The following HLA-DOB variants were observed in gnomAD, a reference collection of about 807,000 sequenced individuals.
HLA-DOB encodes major histocompatibility complex, class II, DO beta, also known as HLA class II histocompatibility antigen, DO beta chain.
Under a neutral mutation model 27.7 loss-of-function variants are expected in HLA-DOB, and 25 were observed. The observed-to-expected ratio is 0.90, with a 90% CI of 0.66 to 1.26. The LOEUF (loss-of-function observed/expected upper bound fraction) is 1.26, where lower values mean the gene tolerates loss of function less well. Ranked by LOEUF, HLA-DOB falls within the 50% of genes most tolerant of loss-of-function variation. The pLI, the probability that HLA-DOB is intolerant of heterozygous loss-of-function variation, is 0.00. For missense variants in HLA-DOB, 306 were observed against 324.9 expected, an observed-to-expected ratio of 0.94 and a Z score of 0.45; for synonymous variants, 137 against 125.6, an observed-to-expected ratio of 1.09 and a Z score of -0.61.
At chr6:32,813,363 C>A (rs1028362020) in intron 5 of HLA-DOB, 77 bp downstream of exon 5, 1 of 1,582,194 alleles carries the variant, frequency 6.3e-7, no homozygotes, top group Admixed American at 1.7e-5. Flanking sequence ...CTCCTCCCTA[C>A]CCCCATGTCA....
intron 5 of HLA-DOB, 28 bp downstream of exon 5, chr6:32,813,412 C>T: frequency 6.2e-7 from 1 of 1,612,160 alleles, no homozygotes; most frequent in Non-Finnish European, 8.5e-7. Context: ...TGATCTGCCA[C>T]TCAAAGACAA....
intron 1 of HLA-DOB, among the ~76,000 whole-genome samples, chr6:32,816,407 T>C (rs1768021569): frequency 6.6e-6 from 1 of 152,206 alleles, no homozygotes; most frequent in Non-Finnish European, 1.5e-5. Context: ...AGTGGCTTAA[T>C]AAATGACAGA....
chr6:32,816,340 T>C (rs1367206194), intron 1 of HLA-DOB, among the ~76,000 whole-genome samples: 1 of 152,234 alleles, frequency 6.6e-6, no homozygotes, highest in Non-Finnish European at 1.5e-5. Context: ...GGACAATGTA[T>C]TCTATTCAAC....
In HLA-DOB at chr6:32,813,844, C is replaced by A. The variant is rs745752752; in HGVS notation, c.644-11G>T. On this transcript the variant is annotated splice_polypyrimidine_tract_variant and intron_variant, in intron 3 of 5. Coordinates refer to ENST00000438763, the MANE Select transcript of HLA-DOB (RefSeq NM_002120.4). ...ATTCAGACTGAGCTCCTATGGGAAA[C>A]AGGTCTTTAAATTAGTAAAAATATC... 75 of 1,491,030 alleles carry A rather than the reference C, an allele frequency of 5.0e-5. No homozygotes were observed. Among genetic ancestry groups the A allele is most frequent in the Admixed American group, 2.0e-5 (1 of 50,918 alleles). 92.4% of individuals were successfully genotyped at this position (1,491,030 alleles called of 1,614,324 possible). A position where few individuals can be genotyped will look rare whatever the true frequency, so the allele number is the denominator to read the frequency against.
intron 3 of HLA-DOB, 128 bp downstream of exon 3, chr6:32,814,192 A>T: frequency 1.1e-6 from 1 of 905,342 alleles, no homozygotes; most frequent in Non-Finnish European, 1.7e-6. Flanking sequence ...GGTTTCTGTG[A>T]CTGTCCCAGA....
Position 32,812,942 on chromosome 6 carries a change from T to C in HLA-DOB, c.*274A>G. On this transcript the variant is annotated 3_prime_UTR_variant, in exon 6 of 6. Transcript: ENST00000438763. ...GCTGGACCACAGAAAAGTAAATGATTTGGGGCTGGAAGGAGTAAGGTCTCA... is the reference window on the plus strand; with the variant it reads ...GCTGGACCACAGAAAAGTAAATGATCTGGGGCTGGAAGGAGTAAGGTCTCA... 1.8e-6 allele frequency: 1 copy of C among 541,002 alleles called. No homozygotes were observed. The highest frequency in any genetic ancestry group is 3.3e-6 in the Non-Finnish European group (1 of 303,432). 33.5% of individuals were successfully genotyped at this position (541,002 alleles called of 1,614,324 possible). A position where few individuals can be genotyped will look rare whatever the true frequency, so the allele number is the denominator to read the frequency against.
chr6:32,814,718 A>G (rs943882894), intron 2 of HLA-DOB, 117 bp from the exon 3 acceptor site: 3 of 950,330 alleles, frequency 3.2e-6, no homozygotes, highest in Admixed American at 2.3e-5. Flanking sequence ...AGTGAACACA[A>G]AGTATAGGCA....
chr6:32,816,979 T>A lies in HLA-DOB; in HGVS notation c.-28A>T. 5 of 1,480,888 alleles carry A rather than the reference T, an allele frequency of 3.4e-6. No individual in the cohort carries two copies. Among genetic ancestry groups the A allele is most frequent in the Non-Finnish European group, 4.7e-6 (5 of 1,060,186 alleles). 91.7% of individuals were successfully genotyped at this position (1,480,888 alleles called of 1,614,324 possible). A position where few individuals can be genotyped will look rare whatever the true frequency, so the allele number is the denominator to read the frequency against. On this transcript the variant is annotated 5_prime_UTR_variant, in exon 1 of 6. Transcript: ENST00000438763. ...TGGAGAAAGGAAAAAAATGAGATAG[T>A]AAAATCGTCAGCCTCTTCAGAATGA...
intron 1 of HLA-DOB, among the ~76,000 whole-genome samples, chr6:32,815,947 A>G (rs756151478): frequency 2.0e-5 from 3 of 152,214 alleles, no homozygotes; most frequent in Non-Finnish European, 2.9e-5. Flanking sequence ...CTAATTTCAG[A>G]TGAAGTTCCA....
chr6:32,813,231 G>T lies in HLA-DOB; in HGVS notation c.807C>A (p.Leu269=). 6.2e-7 allele frequency: 1 copy of T among 1,613,034 alleles called. No individual in the cohort carries two copies. The highest frequency in any genetic ancestry group is 8.5e-7 in the Non-Finnish European group (1 of 1,179,986). ...AGTGAGGACCTTAGCATGACTGAGG[G>T]AGCAGAACAGCTCTTGAGACCTGGA... is the stretch of plus-strand genomic sequence containing the variant. ...SGNEVSRAVL[L]PQSC is the part of the protein sequence containing the mutation. Residue 269 remains leucine (L), a synonymous_variant, in exon 6 of 6, where the codon CTC becomes CTA. Coordinates refer to ENST00000438763, the MANE Select transcript of HLA-DOB (RefSeq NM_002120.4).
At position 32,813,033 on chromosome 6, in the gene HLA-DOB, C is replaced by A. The variant is rs867641577; in HGVS notation, c.*183G>T. 3.4e-5 allele frequency: 22 copies of A among 647,976 alleles called. 2 individuals carry two copies. In the Middle Eastern group the frequency reaches 1.1e-3, roughly 32 times the overall value. 40.1% of individuals were successfully genotyped at this position (647,976 alleles called of 1,614,324 possible). A position where few individuals can be genotyped will look rare whatever the true frequency, so the allele number is the denominator to read the frequency against. ...GATGTACACGTAGAAGGGAGAAGGG[C>A]AGATGGGTGGGAGATGCATGATCTC... On this transcript the variant is annotated 3_prime_UTR_variant, in exon 6 of 6. Coordinates refer to ENST00000438763, the MANE Select transcript of HLA-DOB (RefSeq NM_002120.4).
chr6:32,814,914 TG>T, intron 2 of HLA-DOB, 129 bp downstream of exon 2: 1 of 1,093,824 alleles, frequency 9.1e-7, no homozygotes, highest in Non-Finnish European at 1.3e-6. Context: ...ATATCACAGC[TG>T]GGGCCAGAAC....
rs1300928202 is a variant in HLA-DOB at position 32,814,556 on chromosome 6, T to C, written c.407A>G (p.His136Arg). Reference protein sequence around the residue: ...TVYPERTPLLHQHNLLHCSVT... With the variant: ...TVYPERTPLLRQHNLLHCSVT... ...AGAGCAGTGCAGCAGATTATGCTGG[T>C]GCAGGAGTGGGGTCCTCTCTGGGTA... Residue 136 changes from histidine to arginine, a missense_variant, in exon 3 of 6, where the codon CAC becomes CGC. His to Arg is a conservative substitution (Grantham distance 29). Coordinates refer to ENST00000438763, the MANE Select transcript of HLA-DOB (RefSeq NM_002120.4). 6.2e-7 allele frequency: 1 copy of C among 1,612,992 alleles called. No homozygotes were observed. The highest frequency in any genetic ancestry group is 8.5e-7 in the Non-Finnish European group (1 of 1,179,968).
In HLA-DOB at chr6:32,813,029, A is replaced by T. The variant is rs559575192; in HGVS notation, c.*187T>A. On this transcript the variant is annotated 3_prime_UTR_variant, in exon 6 of 6. Transcript: ENST00000438763. ...TAATGATGTACACGTAGAAGGGAGAAGGGCAGATGGGTGGGAGATGCATGA... is the reference window on the plus strand; with the variant it reads ...TAATGATGTACACGTAGAAGGGAGATGGGCAGATGGGTGGGAGATGCATGA... 3 of 638,966 alleles carry T rather than the reference A, an allele frequency of 4.7e-6. No homozygotes were observed. Among genetic ancestry groups the T allele is most frequent in the South Asian group, 1.9e-5 (1 of 53,972 alleles). The allele number at this position is 638,966 out of a possible 1,614,324, so 39.6% of individuals were successfully genotyped here.
intron 5 of HLA-DOB, 85 bp downstream of exon 5, chr6:32,813,355 C>T: frequency 6.3e-7 from 1 of 1,583,200 alleles, no homozygotes; most frequent in Non-Finnish European, 8.7e-7. Flanking sequence ...CAACCTTACT[C>T]CTCCCTACCC....
chr6:32,813,174 T>C lies in HLA-DOB; in HGVS notation c.*42A>G. 1 of 1,592,002 alleles carries C rather than the reference T, an allele frequency of 6.3e-7. No homozygotes were observed. The highest frequency in any genetic ancestry group is 8.6e-7 in the Non-Finnish European group (1 of 1,160,694). ...CCTCACCCAGGGCCCAGACTACTCA[T>C]CACTACTTCAGGCTCCAGAGAGAGA... On this transcript the variant is annotated 3_prime_UTR_variant, in exon 6 of 6. Transcript: ENST00000438763.
intron 1 of HLA-DOB, among the ~76,000 whole-genome samples, chr6:32,816,152 C>T (rs1768010493): frequency 6.6e-6 from 1 of 151,992 alleles, no homozygotes. Context: ...AGGTTTGTTC[C>T]TCTTTTGTAT....
chr6:32,814,707 A>G lies in HLA-DOB; in HGVS notation c.362-106T>C, dbSNP rs539872371. 3.7e-6 allele frequency: 4 copies of G among 1,068,026 alleles called. No individual in the cohort carries two copies. The Admixed American group carries it at 8.4e-5, about 23-fold the overall frequency. 66.2% of individuals were successfully genotyped at this position (1,068,026 alleles called of 1,614,324 possible). A position where few individuals can be genotyped will look rare whatever the true frequency, so the allele number is the denominator to read the frequency against. ...GTCTAATCTCTTTCCCAGATCACCC[A>G]AGTGAACACAAAGTATAGGCAAGTC... On this transcript the variant is annotated intron_variant, in intron 2 of 5. Transcript: ENST00000438763.
At chr6:32,813,359 C>T in intron 5 of HLA-DOB, 81 bp downstream of exon 5, 1 of 1,586,370 alleles carries the variant, frequency 6.3e-7, no homozygotes, top group South Asian at 1.1e-5. Flanking sequence ...CTTACTCCTC[C>T]CTACCCCCAT....
Sources: gnomAD v4.1 joint callset for allele counts (sites outside exome capture counted in the v4.1 genomes callset) on GRCh38, gnomAD v4.1.1 for gene constraint, MANE v1.5 for transcripts, NCBI Gene and HGNC (gene_info 2026-07-23, HGNC 2026-07-21) for gene names.